MAP3K2: variants seen among roughly 807,000 people sequenced by gnomAD.
MAP3K2 encodes MAP/ERK kinase kinase 2.
A neutral mutation model predicts 80.3 loss-of-function variants in MAP3K2; 24 were observed. The observed-to-expected ratio is 0.30, with a 90% CI of 0.22 to 0.42. The LOEUF (loss-of-function observed/expected upper bound fraction) is 0.42, where lower values mean the gene tolerates loss of function less well. MAP3K2 is among the 10% of genes least tolerant of loss of function. MAP3K2 has a pLI of 1.00. For missense variants in MAP3K2, 608 were observed against 750.1 expected (o/e 0.81, Z 2.21); for synonymous variants, 244 against 253.7 (o/e 0.96, Z 0.36).
At chr2:127,316,713 G>C (rs1197702405) in intron 14 of MAP3K2, among the ~76,000 whole-genome samples, 3 of 152,110 alleles carry the variant, frequency 2.0e-5, no homozygotes, top group African/African-American at 7.2e-5. Context: ...TGCTACAGTG[G>C]AATAACCAGA....
chr2:127,361,255 G>A (rs1028075933), intron 1 of MAP3K2, among the ~76,000 whole-genome samples: 6 of 149,340 alleles, frequency 4.0e-5, no homozygotes, highest in Non-Finnish European at 8.9e-5. Context: ...AGAGGTTGCA[G>A]TGGGTGAAGA....
At chr2:127,346,271 G>A (rs1427635913) in intron 1 of MAP3K2, among the ~76,000 whole-genome samples, 2 of 151,194 alleles carry the variant, frequency 1.3e-5, no homozygotes, top group African/African-American at 4.9e-5. Flanking sequence ...TATCAAAATC[G>A]ACTCATCAAG....
At chr2:127,308,225 AAG>A (rs1459243825) in intron 16 of MAP3K2, among the ~76,000 whole-genome samples, 2 of 152,244 alleles carry the variant, frequency 1.3e-5, no homozygotes, top group Non-Finnish European at 2.9e-5. Flanking sequence ...AAAATTATAA[AAG>A]AATTAAAGAT....
intron 1 of MAP3K2, among the ~76,000 whole-genome samples, chr2:127,348,315 G>C (rs56373535): frequency 2.3e-4 from 35 of 152,180 alleles, no homozygotes; most frequent in African/African-American, 8.0e-4. Context: ...TTGAACATGG[G>C]AGGCAGATGT....
chr2:127,323,735 A>T (rs1160731461), intron 11 of MAP3K2, among the ~76,000 whole-genome samples, 167 bp downstream of exon 11: 2 of 152,264 alleles, frequency 1.3e-5, no homozygotes, highest in Non-Finnish European at 2.9e-5. Context: ...ACCAAGTCTT[A>T]TAAGTTGTCA....
In MAP3K2 at chr2:127,369,528, T is replaced by G. The variant is rs534375233; in HGVS notation, c.-66+17924A>C. On this transcript the variant is annotated intron_variant, in intron 1 of 16. Transcript: ENST00000682094. ...TAAACAAGTAAAAAATGACTTCATC[T>G]TAGATTGGAGATCTCTTTCCAAAGA... Among the ~76,000 whole-genome samples the G allele has an allele frequency of 3.1e-3, 469 of 149,358 alleles. 3 individuals carry two copies. The highest frequency in any genetic ancestry group is 0.011 in the African/African-American group (434 of 40,708).
intron 1 of MAP3K2, among the ~76,000 whole-genome samples, chr2:127,366,879 T>TG (rs1295194524): frequency 7.1e-6 from 1 of 141,754 alleles, no homozygotes. Context: ...TTTTTTTTTT[T>TG]TTTTTTTTTT....
At chr2:127,315,621 C>T (rs942923225) in intron 14 of MAP3K2, among the ~76,000 whole-genome samples, 1 of 152,180 alleles carries the variant, frequency 6.6e-6, no homozygotes, top group Non-Finnish European at 1.5e-5. Flanking sequence ...GTTCAGTCTA[C>T]TGTGTCTCTA....
At position 127,304,817 on chromosome 2, in the gene MAP3K2, T is replaced by A. The variant is rs534686668; in HGVS notation, c.*2762A>T. The A allele has an allele frequency of 1.3e-5, 2 of 152,684 alleles. No homozygotes were observed. The highest frequency in any genetic ancestry group is 4.8e-5 in the African/African-American group (2 of 41,578). The allele number at this position is 152,684 out of a possible 1,614,324, so 9.5% of individuals were successfully genotyped here. The stretch of plus-strand genomic sequence containing the variant: ...ACCCCCACACCTTCAAGCTTTTTTG[T>A]TCTAGTAGTTTTTATATATATTAAC... On this transcript the variant is annotated 3_prime_UTR_variant, in exon 17 of 17. Coordinates refer to ENST00000682094, the MANE Select transcript of MAP3K2 (RefSeq NM_001371910.2).
Position 127,310,115 on chromosome 2 carries a change from C to T in MAP3K2, c.1457-1353G>A, listed in dbSNP as rs1483283260. On this transcript the variant is annotated intron_variant, in intron 15 of 16. Coordinates refer to ENST00000682094, the MANE Select transcript of MAP3K2 (RefSeq NM_001371910.2). This position sits in a 1 kb window ranked among gnomAD's most constrained non-coding sequence, Gnocchi z 4.8. ...TTTGTTTTATACACTGGGTTATAAT[C>T]CAGTACTACTTTATTTGCCTGCTAT... Among the ~76,000 whole-genome samples the T allele has an allele frequency of 6.6e-6, 1 of 152,184 alleles. No homozygotes were observed.
At chr2:127,324,764 G>A (rs74916510) in intron 9 of MAP3K2, among the ~76,000 whole-genome samples, 1,620 of 152,164 alleles carry the variant, frequency 0.011, 27 homozygotes, top group African/African-American at 0.036. Flanking sequence ...GCATTCCCAC[G>A]CAATATTAGT....
chr2:127,314,988 G>T, intron 14 of MAP3K2, 105 bp from the exon 15 acceptor site: 1 of 730,200 alleles, frequency 1.4e-6, no homozygotes, highest in Non-Finnish European at 2.2e-6. Context: ...CATCTCACTC[G>T]TCTAAGCATG....
Position 127,304,167 on chromosome 2 carries a change from C to T in MAP3K2, c.*3412G>A, listed in dbSNP as rs578144055. The T allele has an allele frequency of 6.6e-6, 1 of 152,108 alleles. No individual in the cohort carries two copies. The highest frequency in any genetic ancestry group is 6.6e-5 in the Admixed American group (1 of 15,262). 9.4% of individuals were successfully genotyped at this position (152,108 alleles called of 1,614,324 possible). A position where few individuals can be genotyped will look rare whatever the true frequency, so the allele number is the denominator to read the frequency against. On this transcript the variant is annotated 3_prime_UTR_variant, in exon 17 of 17. Transcript: ENST00000682094. The stretch of plus-strand genomic sequence containing the variant: ...ATATGTTATGTAAGGGTAACTGTGC[C>T]TTTTAAAACTTTCTAAGGCAATAGT...
At chr2:127,312,976 A>T (rs573374796) in intron 15 of MAP3K2, among the ~76,000 whole-genome samples, 32 of 152,156 alleles carry the variant, frequency 2.1e-4, no homozygotes, top group African/African-American at 6.0e-4. Context: ...AAAAAAAAAA[A>T]AAATAAAAAC....
intron 7 of MAP3K2, among the ~76,000 whole-genome samples, chr2:127,328,586 C>T (rs1378752207): frequency 1.3e-5 from 2 of 152,252 alleles, no homozygotes; most frequent in African/African-American, 2.4e-5. Context: ...AAAACTATAT[C>T]GAAATATATC....
rs1212528665 is a variant in MAP3K2, at chr2:127,307,238, G to C, written c.*341C>G. 6.3e-6 allele frequency: 1 copy of C among 158,484 alleles called. No homozygotes were observed. Among genetic ancestry groups the C allele is most frequent in the East Asian group, 1.8e-4 (1 of 5,560 alleles). The allele number at this position is 158,484 out of a possible 1,614,324, so 9.8% of individuals were successfully genotyped here. A position where few individuals can be genotyped will look rare whatever the true frequency, so the allele number is the denominator to read the frequency against. On this transcript the variant is annotated 3_prime_UTR_variant, in exon 17 of 17. Coordinates refer to ENST00000682094, the MANE Select transcript of MAP3K2 (RefSeq NM_001371910.2). This position sits in a 1 kb window ranked among gnomAD's most constrained non-coding sequence, Gnocchi z 5.4. ...CATCGTCACTGATGTGTCAGTGATA[G>C]AGGGAATGACTCTACAATCTTTAGG...
At position 127,364,286 on chromosome 2, in the gene MAP3K2, A is replaced by T. The variant is rs1265993996; in HGVS notation, c.-65-21092T>A. Among the ~76,000 whole-genome samples, 1 of 152,320 alleles carries T rather than the reference A, an allele frequency of 6.6e-6. No homozygotes were observed. The highest frequency in any genetic ancestry group is 2.1e-4 in the South Asian group (1 of 4,828). ...GGATAACCAAAAGAAGCAAATAGATAATCAAAAAAAGCAAAGAGTAGGAGT... is the reference window on the plus strand; with the variant it reads ...GGATAACCAAAAGAAGCAAATAGATTATCAAAAAAAGCAAAGAGTAGGAGT... On this transcript the variant is annotated intron_variant, in intron 1 of 16. Transcript: ENST00000682094. The surrounding 1 kb of genome is among the most constrained non-coding windows in gnomAD (Gnocchi z 4.1).
chr2:127,350,693 G>A lies in MAP3K2; in HGVS notation c.-65-7499C>T, dbSNP rs376903507. ...GTGGATGAAAAGTGTGATGAGGAATGAGTTACTTAGTTTCAACACACCATC... is the reference window on the plus strand; with the variant it reads ...GTGGATGAAAAGTGTGATGAGGAATAAGTTACTTAGTTTCAACACACCATC... On this transcript the variant is annotated intron_variant, in intron 1 of 16. Coordinates refer to ENST00000682094, the MANE Select transcript of MAP3K2 (RefSeq NM_001371910.2). Among the ~76,000 whole-genome samples the A allele has an allele frequency of 5.9e-5, 9 of 151,826 alleles. No individual in the cohort carries two copies. In the East Asian group the frequency reaches 1.7e-3, roughly 29 times the overall value.
intron 1 of MAP3K2, among the ~76,000 whole-genome samples, chr2:127,358,241 G>A (rs182525457): frequency 2.8e-4 from 43 of 152,304 alleles, no homozygotes; most frequent in Admixed American, 2.7e-3. Context: ...TCATGGAAAT[G>A]CAAACCAAAA....
Sources: allele counts gnomAD v4.1 joint callset (sites outside exome capture counted in the v4.1 genomes callset), GRCh38; gene constraint gnomAD v4.1.1; non-coding constraint Gnocchi (gnomAD v3.1); transcripts MANE v1.5; gene names NCBI Gene and HGNC (gene_info 2026-07-23, HGNC 2026-07-21).